Variants in MED27 observed in about 807,000 individuals in gnomAD.
The protein encoded by MED27 is mediator complex subunit 27.
Under a neutral mutation model 38.2 loss-of-function variants are expected in MED27, and 30 were observed. The ratio of observed to expected loss-of-function variants is 0.79; its 90% CI spans 0.59 to 1.07. The LOEUF (loss-of-function observed/expected upper bound fraction) is 1.07. Among genes scored for constraint, MED27 ranks in the 50% least tolerant of loss-of-function variants. The pLI is 0.00. For synonymous variants in MED27, 122 were observed against 153.5 expected, an observed-to-expected ratio of 0.79 and a Z score of 1.52; for missense variants, 289 against 397.5, an observed-to-expected ratio of 0.73 and a Z score of 2.32.
At chr9:132,043,399 C>T (rs1833263707) in intron 2 of MED27, among the ~76,000 whole-genome samples, 1 of 149,580 alleles carries the variant, frequency 6.7e-6, no homozygotes, top group Admixed American at 6.7e-5. Context: ...ATTGGAGGAA[C>T]TAGAAGGAGA....
chr9:132,073,443 C>T (rs1833984120), intron 2 of MED27: 2 of 1,121,396 alleles, frequency 1.8e-6, no homozygotes, highest in South Asian at 8.7e-5. Flanking sequence ...CTGGGGACTC[C>T]CAGCAAGGAA....
chr9:132,071,882 C>T (rs749859225), intron 2 of MED27, among the ~76,000 whole-genome samples: 20 of 151,784 alleles, frequency 1.3e-4, no homozygotes, highest in South Asian at 4.2e-4. Flanking sequence ...GCATAACACG[C>T]GCCCCATGGA....
chr9:131,918,023 T>C (rs369149198), intron 4 of MED27, among the ~76,000 whole-genome samples: 2 of 152,216 alleles, frequency 1.3e-5, no homozygotes, highest in African/African-American at 4.8e-5. Flanking sequence ...CAAAATATTT[T>C]AAAAGTAAAA....
At chr9:132,056,183 G>GAC (rs1833572770) in intron 2 of MED27, among the ~76,000 whole-genome samples, 1 of 152,166 alleles carries the variant, frequency 6.6e-6, no homozygotes. Flanking sequence ...TCCTTATGGT[G>GAC]ACTTCATTAA....
At chr9:131,953,293 T>C (rs1324138853) in intron 3 of MED27, among the ~76,000 whole-genome samples, 2 of 152,214 alleles carry the variant, frequency 1.3e-5, no homozygotes, top group Admixed American at 6.5e-5. Context: ...ACCTCCAAAC[T>C]GTAGCCACAA....
chr9:131,964,578 G>A (rs926760335), intron 3 of MED27, among the ~76,000 whole-genome samples: 1 of 152,092 alleles, frequency 6.6e-6, no homozygotes, highest in Non-Finnish European at 1.5e-5. Context: ...ACAAAACTGG[G>A]TATTTTCAAT....
intron 4 of MED27, among the ~76,000 whole-genome samples, chr9:131,937,332 T>C (rs1830702752): frequency 6.6e-6 from 1 of 152,028 alleles, no homozygotes; most frequent in Admixed American, 6.6e-5. Context: ...CTTCTGTGAG[T>C]TCCTGTGTCG....
intron 4 of MED27, among the ~76,000 whole-genome samples, chr9:131,903,526 A>G (rs1829992759): frequency 6.6e-6 from 1 of 152,188 alleles, no homozygotes; most frequent in Non-Finnish European, 1.5e-5. Context: ...CCTGAGACCC[A>G]GGTTCAGATA....
At position 131,884,133 on chromosome 9, in the gene MED27, G is replaced by A. The variant is rs372577297; in HGVS notation, c.682-34C>T. ...AAAGGAGAGAAGGATCATCAGCATC[G>A]GTCTTAGAATTCGGGACTTCAAGAA... On this transcript the variant is annotated intron_variant, in intron 5 of 7. Transcript: ENST00000292035. 132 of 1,566,010 alleles carry A rather than the reference G, an allele frequency of 8.4e-5. 2 individuals carry two copies. In the South Asian group the frequency reaches 1.2e-3, roughly 15 times the overall value.
intron 2 of MED27, among the ~76,000 whole-genome samples, chr9:132,059,337 G>A (rs1833650335): frequency 6.6e-6 from 1 of 152,176 alleles, no homozygotes; most frequent in Admixed American, 6.5e-5. Context: ...TTAGTGAAAG[G>A]GAGGCCAGCT....
chr9:131,872,663 G>C lies in MED27; in HGVS notation c.724-9523C>G, dbSNP rs555926510. 9.8e-5 allele frequency among the ~76,000 whole-genome samples: 15 copies of C among 152,296 alleles called. No individual in the cohort carries two copies. The highest frequency in any genetic ancestry group is 3.4e-4 in the African/African-American group (14 of 41,554). On this transcript the variant is annotated intron_variant, in intron 6 of 7. Transcript: ENST00000292035. This position sits in a 1 kb window ranked among gnomAD's most constrained non-coding sequence, Gnocchi z 5.6. ...CTCGGTAGAAGAGCGTGGGGAGGCT[G>C]GGGTGGGGCTGGGTGATTCTGCAGG...
At chr9:132,014,496 A>G (rs749875546) in intron 2 of MED27, 29 bp from the exon 3 acceptor site, 1 of 1,607,494 alleles carries the variant, frequency 6.2e-7, no homozygotes, top group Non-Finnish European at 8.5e-7. Context: ...CAAAAGGGGA[A>G]GAAAAATAGC....
chr9:131,919,032 C>T (rs767974428), intron 4 of MED27, among the ~76,000 whole-genome samples: 1 of 152,116 alleles, frequency 6.6e-6, no homozygotes, highest in Non-Finnish European at 1.5e-5. Flanking sequence ...AACCCATCCA[C>T]CACCTCCCAG....
intron 4 of MED27, among the ~76,000 whole-genome samples, chr9:131,899,316 G>A (rs904181089): frequency 6.6e-6 from 1 of 152,194 alleles, no homozygotes; most frequent in African/African-American, 2.4e-5. Context: ...CAGTTGTGCT[G>A]GACCTGAAGG....
At chr9:131,896,262 T>C (rs780799286) in intron 4 of MED27, among the ~76,000 whole-genome samples, 3 of 152,206 alleles carry the variant, frequency 2.0e-5, no homozygotes, top group Non-Finnish European at 4.4e-5. Context: ...CTAAAGTGAA[T>C]GTAGGTCCCA....
intron 6 of MED27, among the ~76,000 whole-genome samples, chr9:131,876,907 C>G (rs751008089): frequency 4.6e-5 from 7 of 152,220 alleles, no homozygotes; most frequent in African/African-American, 1.7e-4. Context: ...ACTTGTGAGG[C>G]AGCAACAGAA....
chr9:131,907,863 C>T (rs1830100388), intron 4 of MED27, among the ~76,000 whole-genome samples: 1 of 143,766 alleles, frequency 7.0e-6, no homozygotes, highest in Non-Finnish European at 1.5e-5. Flanking sequence ...AGCGCCTCTG[C>T]CCCGCCGCCC....
chr9:131,952,683 C>A (rs1252104830), intron 3 of MED27, among the ~76,000 whole-genome samples: 3 of 152,194 alleles, frequency 2.0e-5, no homozygotes, highest in Non-Finnish European at 4.4e-5. Flanking sequence ...TACAAATTCC[C>A]CAGGAACTGG....
intron 3 of MED27, among the ~76,000 whole-genome samples, chr9:131,984,897 T>C (rs1009362171): frequency 1.2e-4 from 18 of 152,200 alleles, no homozygotes; most frequent in Admixed American, 3.3e-4. Flanking sequence ...ACCATATGCC[T>C]TGAGCTCAAC....
Sources: gnomAD v4.1 joint callset for allele counts (sites outside exome capture counted in the v4.1 genomes callset) on GRCh38, gnomAD v4.1.1 for gene constraint, Gnocchi (gnomAD v3.1) non-coding constraint, MANE v1.5 for transcripts, NCBI Gene and HGNC (gene_info 2026-07-23, HGNC 2026-07-21) for gene names.